Variants in RSF1 observed in about 807,000 individuals in gnomAD.
RSF1 encodes the protein HBV pX-associated protein 8.
Under a neutral mutation model 145.2 loss-of-function variants are expected in RSF1, and 13 were observed. That is an observed-to-expected ratio of 0.09 (90% CI 0.06 to 0.14). RSF1 has a LOEUF of 0.14. Ranked by LOEUF, RSF1 falls within the 10% of genes least tolerant of loss-of-function variation. RSF1 has a pLI of 1.00. For synonymous variants in RSF1, 577 were observed against 592.6 expected (o/e 0.97, Z 0.38); for missense variants, 1,517 against 1,718.2 (o/e 0.88, Z 2.07).
Position 77,726,064 on chromosome 11 carries a change from A to AT in RSF1, c.579-366dup, listed in dbSNP as rs148513419. Among the ~76,000 whole-genome samples the AT allele has an allele frequency of 9.0e-3, 1,377 of 152,224 alleles. 21 individuals carry two copies. The highest frequency in any genetic ancestry group is 0.03 in the African/African-American group (1,257 of 41,534). On this transcript the variant is annotated intron_variant, in intron 4 of 15. Coordinates refer to ENST00000308488, the MANE Select transcript of RSF1 (RefSeq NM_016578.4). The stretch of plus-strand genomic sequence containing the variant: ...CAATGTAAAACTTGATTGCAAAAGT[A>AT]TTTTTTTGTTTTGTTCTTGATTCAT...
the RSF1 span, chr11:77,831,846 C>T: frequency 6.4e-6 from 1 of 156,498 alleles, no homozygotes; most frequent in Non-Finnish European, 1.4e-5. Context: ...CAGACATGTG[C>T]CACCATGCCT....
intron 4 of RSF1, among the ~76,000 whole-genome samples, chr11:77,736,466 A>C (rs1961355530): frequency 6.6e-6 from 1 of 152,236 alleles, no homozygotes; most frequent in Non-Finnish European, 1.5e-5. Context: ...TCCAAGTCAA[A>C]TGAGATGATG....
intron 1 of RSF1, among the ~76,000 whole-genome samples, chr11:77,801,905 A>C (rs1229261776): frequency 2.6e-5 from 4 of 151,754 alleles, no homozygotes; most frequent in African/African-American, 2.4e-5. Flanking sequence ...GTAGCTCATG[A>C]CTGTAATCCC....
chr11:77,776,550 T>C (rs1045963825), intron 1 of RSF1, among the ~76,000 whole-genome samples: 1 of 152,104 alleles, frequency 6.6e-6, no homozygotes, highest in Admixed American at 6.6e-5. Context: ...TCATTATAGT[T>C]TCTAGTTATT....
intron 1 of RSF1, among the ~76,000 whole-genome samples, chr11:77,790,548 G>T (rs1174381830): frequency 6.6e-6 from 1 of 152,100 alleles, no homozygotes; most frequent in East Asian, 1.9e-4. Flanking sequence ...TCAGTATTAA[G>T]TCAGGAGTCC....
At chr11:77,763,512 CT>C (rs1398825482) in intron 2 of RSF1, 22 of 152,124 alleles carry the variant, frequency 1.4e-4, no homozygotes, top group Admixed American at 5.2e-4. Context: ...ACAAGTTACT[CT>C]ATTTAGTTTC....
chr11:77,797,948 A>C (rs1369014929), intron 1 of RSF1, among the ~76,000 whole-genome samples: 1 of 152,250 alleles, frequency 6.6e-6, no homozygotes, highest in South Asian at 2.1e-4. Context: ...AATCAAAACC[A>C]CAATGAGATA....
At chr11:77,825,425 A>T (rs372322270), upstream of RSF1, among the ~76,000 whole-genome samples, 141 of 152,314 alleles carry the variant, frequency 9.3e-4, no homozygotes, top group South Asian at 9.3e-3. Flanking sequence ...AGCTAAAACA[A>T]GCTGCGCACG....
chr11:77,849,504 G>C, the RSF1 span, among the ~76,000 whole-genome samples: 1 of 152,156 alleles, frequency 6.6e-6, no homozygotes, highest in Non-Finnish European at 1.5e-5. Flanking sequence ...GATTATTGGC[G>C]TGAGCCACTG....
chr11:77,757,748 T>C (rs1042299032), intron 2 of RSF1, among the ~76,000 whole-genome samples: 2 of 151,980 alleles, frequency 1.3e-5, no homozygotes, highest in Admixed American at 1.3e-4. Flanking sequence ...GAGCACAGAT[T>C]CTAATGTCAA....
rs1959397113 is a variant in RSF1, at chr11:77,667,444, A to G, written c.3799T>C (p.Ser1267Pro). 6.2e-7 allele frequency: 1 copy of G among 1,613,166 alleles called. No homozygotes were observed. The highest frequency in any genetic ancestry group is 1.1e-5 in the South Asian group (1 of 91,080). The change falls in exon 16 of 16, where the codon TCA (serine) becomes CCA (proline). Residue 1267 changes from serine to proline, a missense_variant. By Grantham distance (74) the Ser-to-Pro change is moderately conservative. Coordinates refer to ENST00000308488, the MANE Select transcript of RSF1 (RefSeq NM_016578.4). ...CCCCGCTTTCGAACTGACCGCTTTG[A>G]TTCTTTAGCTAGCTCATCATCTTCA... Reference protein sequence around the residue: ...NSEDDELAKESKRSVRKRGRS... With the variant: ...NSEDDELAKEPKRSVRKRGRS...
the RSF1 span, among the ~76,000 whole-genome samples, chr11:77,854,474 A>T: frequency 6.6e-6 from 1 of 152,244 alleles, no homozygotes; most frequent in Non-Finnish European, 1.5e-5. Flanking sequence ...GTGAGAAATT[A>T]TCCAAAACAA....
chr11:77,826,361 CA>C, the RSF1 span, among the ~76,000 whole-genome samples: 47 of 142,042 alleles, frequency 3.3e-4, no homozygotes, highest in African/African-American at 6.0e-4. Context: ...GACATCATCT[CA>C]AAAAAAAAAA....
intron 1 of RSF1, among the ~76,000 whole-genome samples, chr11:77,790,824 T>C (rs1389207488): frequency 6.6e-6 from 1 of 152,176 alleles, no homozygotes; most frequent in East Asian, 1.9e-4. Context: ...ATGCAAAAGA[T>C]GGGTTCCCAT....
At chr11:77,712,146 A>T (rs1960701251) in intron 5 of RSF1, among the ~76,000 whole-genome samples, 1 of 152,218 alleles carries the variant, frequency 6.6e-6, no homozygotes, top group Non-Finnish European at 1.5e-5. Flanking sequence ...CTTGAATTGT[A>T]ATAATCCCTA....
At chr11:77,800,201 T>A (rs1948613041) in intron 1 of RSF1, among the ~76,000 whole-genome samples, 1 of 151,964 alleles carries the variant, frequency 6.6e-6, no homozygotes, top group Non-Finnish European at 1.5e-5. Flanking sequence ...TTAGGAAAAA[T>A]TTGGCTGTGG....
the RSF1 span, among the ~76,000 whole-genome samples, chr11:77,854,033 C>T: frequency 6.6e-6 from 1 of 150,764 alleles, no homozygotes. Context: ...CTCCGTTGCC[C>T]AGGCTGGAGT....
intron 14 of RSF1, among the ~76,000 whole-genome samples, chr11:77,674,446 T>C (rs1242201626): frequency 2.0e-5 from 3 of 152,190 alleles, no homozygotes; most frequent in Non-Finnish European, 2.9e-5. Flanking sequence ...TGTATTCTTC[T>C]CTCTCCAACA....
intron 5 of RSF1, among the ~76,000 whole-genome samples, chr11:77,711,826 C>G (rs767384079): frequency 2.6e-5 from 4 of 151,892 alleles, no homozygotes; most frequent in Non-Finnish European, 5.9e-5. Flanking sequence ...ACCAGTTTTC[C>G]TTCAATGTCC....
Sources: allele counts gnomAD v4.1 joint callset (sites outside exome capture counted in the v4.1 genomes callset), GRCh38; gene constraint gnomAD v4.1.1; transcripts MANE v1.5; gene names NCBI Gene and HGNC (gene_info 2026-07-23, HGNC 2026-07-21).